LARP1B: variants seen among roughly 807,000 people sequenced by gnomAD.
The protein encoded by LARP1B is La ribonucleoprotein 1B, also known as la-related protein 1B.
LARP1B carries 76 observed loss-of-function variants against 114.2 expected under a neutral mutation model. The ratio of observed to expected loss-of-function variants is 0.67; its 90% CI spans 0.55 to 0.81. LARP1B has a LOEUF of 0.81. LARP1B is among the 30% of genes least tolerant of loss of function. The pLI is 0.00. For missense variants in LARP1B, 1,014 were observed against 1,075.8 expected (o/e 0.94, Z 0.80); for synonymous variants, 345 against 348.0 (o/e 0.99, Z 0.10).
At chr4:128,219,410 G>C (rs1490173440) in intron 6 of LARP1B, among the ~76,000 whole-genome samples, 1 of 69,102 alleles carries the variant, frequency 1.4e-5, no homozygotes, top group African/African-American at 5.8e-5. Context: ...GTCCAACAAT[G>C]ATAGACTGGA....
At position 128,210,151 on chromosome 4, in the gene LARP1B, C is replaced by G. The variant is rs1032335967; in HGVS notation, c.*98C>G. The G allele has an allele frequency of 5.7e-6, 9 of 1,566,534 alleles. No homozygotes were observed. In the Admixed American group the frequency reaches 1.1e-4, roughly 19 times the overall value. ...TTGTCCTTGAAGTCAACATTTACAT[C>G]AGTATTTATTTGGGGAAAATCTTCT... On this transcript the variant is annotated 3_prime_UTR_variant, in exon 20 of 20. Transcript: ENST00000326639.
intron 8 of LARP1B, among the ~76,000 whole-genome samples, chr4:128,103,703 C>A (rs1781103383): frequency 6.6e-6 from 1 of 151,830 alleles, no homozygotes; most frequent in Non-Finnish European, 1.5e-5. Flanking sequence ...GCTGGGATTA[C>A]AAGCGCCTGC....
At chr4:128,102,505 G>A (rs765156826) in intron 8 of LARP1B, among the ~76,000 whole-genome samples, 5 of 152,144 alleles carry the variant, frequency 3.3e-5, no homozygotes, top group Non-Finnish European at 5.9e-5. Flanking sequence ...ATTTGAATAT[G>A]CTCAAGTTTT....
chr4:128,163,908 C>T (rs1367658155), intron 12 of LARP1B, among the ~76,000 whole-genome samples: 1 of 152,188 alleles, frequency 6.6e-6, no homozygotes, highest in East Asian at 1.9e-4. Flanking sequence ...GGTTGAGCCC[C>T]CACCAAGGTT....
chr4:128,093,532 C>T (rs951964052), intron 7 of LARP1B, among the ~76,000 whole-genome samples: 1 of 151,182 alleles, frequency 6.6e-6, no homozygotes, highest in East Asian at 2.0e-4. Flanking sequence ...GGAGGCAGAG[C>T]GTGCAGTGAG....
At chr4:128,104,764 C>T (rs1781490405) in intron 8 of LARP1B, among the ~76,000 whole-genome samples, 1 of 152,090 alleles carries the variant, frequency 6.6e-6, no homozygotes, top group Non-Finnish European at 1.5e-5. Context: ...TTTTTCTATG[C>T]TCCTATTGAT....
Position 128,074,926 on chromosome 4 carries a change from C to T in LARP1B, c.-18-8C>T, listed in dbSNP as rs746240813. ...TTTCAGACCTAACACTTATTTGTTA[C>T]TTCTTAGGCTAGTGATTTCAGTGAT... is the stretch of plus-strand genomic sequence containing the variant. On this transcript the variant is annotated splice_region_variant and splice_polypyrimidine_tract_variant and intron_variant, in intron 2 of 19. Coordinates refer to ENST00000326639, the MANE Select transcript of LARP1B (RefSeq NM_018078.4). 6.3e-7 allele frequency: 1 copy of T among 1,587,418 alleles called. No homozygotes were observed.
chr4:128,163,364 T>G (rs1245098855), intron 12 of LARP1B, among the ~76,000 whole-genome samples: 1 of 152,148 alleles, frequency 6.6e-6, no homozygotes, highest in Non-Finnish European at 1.5e-5. Flanking sequence ...CAAATCTCTG[T>G]AAGAATATGT....
In LARP1B at chr4:128,179,402, T is replaced by TTA; in HGVS notation, c.1897-3_1897-2dup. ...ATTGCAATGCTTGACTTTATTTTCT[T>TTA]TAGAGTCCAAGAAAGAGAAAAACAA... On this transcript the variant is annotated splice_polypyrimidine_tract_variant and splice_region_variant and intron_variant, in intron 14 of 19. Coordinates refer to ENST00000326639, the MANE Select transcript of LARP1B (RefSeq NM_018078.4). 1 of 1,583,792 alleles carries TTA rather than the reference T, an allele frequency of 6.3e-7. No individual in the cohort carries two copies.
At chr4:128,070,661 A>G (rs903730637) in intron 1 of LARP1B, among the ~76,000 whole-genome samples, 2 of 152,152 alleles carry the variant, frequency 1.3e-5, no homozygotes, top group African/African-American at 2.4e-5. Context: ...TTCCGTCTCA[A>G]AAAGAAAAAA....
At chr4:128,108,022 C>G (rs1580483525) in intron 9 of LARP1B, 1 of 1,513,528 alleles carries the variant, frequency 6.6e-7, no homozygotes. Context: ...GTCTTCTGTT[C>G]AAGAATGTCT....
At chr4:128,143,218 G>A (rs559297362) in intron 11 of LARP1B, among the ~76,000 whole-genome samples, 8 of 152,216 alleles carry the variant, frequency 5.3e-5, no homozygotes, top group Non-Finnish European at 1.0e-4. Flanking sequence ...CCGGGAGGTG[G>A]AGGTTGCAGT....
At chr4:128,169,795 C>A (rs1742757560) in intron 12 of LARP1B, among the ~76,000 whole-genome samples, 1 of 152,042 alleles carries the variant, frequency 6.6e-6, no homozygotes, top group South Asian at 2.1e-4. Context: ...TGCCACCACA[C>A]CTGGCTAATT....
intron 5 of LARP1B, among the ~76,000 whole-genome samples, chr4:128,084,356 C>G (rs891858423): frequency 6.6e-6 from 1 of 152,282 alleles, no homozygotes; most frequent in African/African-American, 2.4e-5. Flanking sequence ...GTGAACCAGA[C>G]TCCGTCTGCA....
At chr4:128,174,411 TTA>T (rs1745049784) in intron 12 of LARP1B, among the ~76,000 whole-genome samples, 2 of 152,052 alleles carry the variant, frequency 1.3e-5, no homozygotes, top group African/African-American at 4.8e-5. Flanking sequence ...TTTGATAATT[TTA>T]TGTCAAAATA....
At chr4:128,214,678 C>A (rs1179648818), downstream of LARP1B, among the ~76,000 whole-genome samples, 1 of 68,212 alleles carries the variant, frequency 1.5e-5, no homozygotes, top group Non-Finnish European at 2.8e-5. Context: ...GTAGATAAAA[C>A]CACAAAGATG....
intron 11 of LARP1B, among the ~76,000 whole-genome samples, chr4:128,128,740 A>G (rs1056842296): frequency 3.5e-4 from 54 of 152,346 alleles, no homozygotes; most frequent in African/African-American, 1.1e-3. Context: ...AAGTCAAACT[A>G]TCATAAGCCT....
intron 11 of LARP1B, among the ~76,000 whole-genome samples, chr4:128,149,427 A>T (rs1731705728): frequency 1.8e-5 from 1 of 55,610 alleles, no homozygotes; most frequent in Non-Finnish European, 3.4e-5. Flanking sequence ...AGTTGAGTTA[A>T]AAAACCCACT....
In LARP1B at chr4:128,210,780, T is replaced by C. The variant is rs1393502907; in HGVS notation, c.*727T>C. 1 of 983,708 alleles carries C rather than the reference T, an allele frequency of 1.0e-6. No homozygotes were observed. Among genetic ancestry groups the C allele is most frequent in the Admixed American group, 6.1e-5 (1 of 16,272 alleles). The allele number at this position is 983,708 out of a possible 1,614,324, so 60.9% of individuals were successfully genotyped here. A position where few individuals can be genotyped will look rare whatever the true frequency, so the allele number is the denominator to read the frequency against. ...GGAGTTTTCTGAATTGGCTATAAGC[T>C]GATTACATATTAGAGGTTTATTTTT... On this transcript the variant is annotated 3_prime_UTR_variant, in exon 20 of 20. Coordinates refer to ENST00000326639, the MANE Select transcript of LARP1B (RefSeq NM_018078.4).
Sources: gnomAD v4.1 joint callset for allele counts (sites outside exome capture counted in the v4.1 genomes callset) on GRCh38, gnomAD v4.1.1 for gene constraint, MANE v1.5 for transcripts, NCBI Gene and HGNC (gene_info 2026-07-23, HGNC 2026-07-21) for gene names.